XPR1: variants seen among roughly 807,000 people sequenced by gnomAD.
XPR1 encodes the protein solute carrier family 53 member 1.
In XPR1, 28 loss-of-function variants were observed where a neutral mutation model predicts 87.5. That is an observed-to-expected ratio of 0.32 (90% CI 0.24 to 0.44). XPR1 has a LOEUF of 0.44. XPR1 is among the 20% of genes least tolerant of loss of function. The pLI, the probability that XPR1 is intolerant of heterozygous loss-of-function variation, is 1.00. For synonymous variants in XPR1, 300 were observed against 306.1 expected, an observed-to-expected ratio of 0.98 and a Z score of 0.21; for missense variants, 559 against 862.3, an observed-to-expected ratio of 0.65 and a Z score of 4.41.
intron 2 of XPR1, among the ~76,000 whole-genome samples, chr1:180,779,977 A>G (rs932223151): frequency 2.0e-5 from 3 of 152,144 alleles, no homozygotes; most frequent in South Asian, 4.1e-4. Flanking sequence ...TTCAGAGTTC[A>G]TCCATGTTGT....
intron 2 of XPR1, among the ~76,000 whole-genome samples, chr1:180,726,459 A>G (rs1658350992): frequency 6.6e-6 from 1 of 152,224 alleles, no homozygotes; most frequent in Non-Finnish European, 1.5e-5. Flanking sequence ...TCTTGGAGTC[A>G]GCAAGACCAA....
chr1:180,785,187 T>G (rs1177589450), intron 2 of XPR1, among the ~76,000 whole-genome samples: 2 of 151,992 alleles, frequency 1.3e-5, no homozygotes, highest in Admixed American at 6.6e-5. Flanking sequence ...TCTTGCTCTG[T>G]CACCCAGGCT....
chr1:180,773,255 G>A (rs1339336053), intron 2 of XPR1, among the ~76,000 whole-genome samples: 1 of 152,146 alleles, frequency 6.6e-6, no homozygotes, highest in East Asian at 1.9e-4. Context: ...GAAAAAAAAT[G>A]TTCAGACGGG....
chr1:180,725,132 T>G (rs10914081), intron 2 of XPR1, among the ~76,000 whole-genome samples: 6,553 of 152,264 alleles, frequency 0.043, 507 homozygotes, highest in African/African-American at 0.15. Flanking sequence ...TACTGAGGCT[T>G]CCCTTTCTCA....
chr1:180,671,782 G>A (rs536267414), intron 1 of XPR1, among the ~76,000 whole-genome samples: 1 of 152,166 alleles, frequency 6.6e-6, no homozygotes, highest in African/African-American at 2.4e-5. Flanking sequence ...CAAAGTGCTG[G>A]GATTACAGGT....
At chr1:180,750,403 G>A (rs1378526587) in intron 2 of XPR1, among the ~76,000 whole-genome samples, 1 of 152,106 alleles carries the variant, frequency 6.6e-6, no homozygotes, top group Non-Finnish European at 1.5e-5. Flanking sequence ...GGAAAAGTAA[G>A]CCTTTACACG....
intron 11 of XPR1, among the ~76,000 whole-genome samples, chr1:180,849,455 G>A (rs1296964678): frequency 6.6e-6 from 1 of 152,076 alleles, no homozygotes; most frequent in African/African-American, 2.4e-5. Context: ...ATTATCTTGG[G>A]TTTTACCTTC....
intron 2 of XPR1, among the ~76,000 whole-genome samples, chr1:180,773,346 A>G (rs937713909): frequency 4.6e-5 from 7 of 152,212 alleles, no homozygotes; most frequent in African/African-American, 1.4e-4. Flanking sequence ...CAGGATAGCT[A>G]TATAGGTTGA....
chr1:180,807,726 C>T (rs1650052177), intron 6 of XPR1, among the ~76,000 whole-genome samples: 1 of 152,110 alleles, frequency 6.6e-6, no homozygotes, highest in Admixed American at 6.6e-5. Flanking sequence ...ATATGGAGGC[C>T]AGGCACGATG....
chr1:180,829,003 C>T (rs1284104950), intron 9 of XPR1, among the ~76,000 whole-genome samples: 1 of 151,944 alleles, frequency 6.6e-6, no homozygotes, highest in Admixed American at 6.6e-5. Flanking sequence ...TCGAGACCAG[C>T]CTGGGCAACG....
rs750551646 is a variant in XPR1 at position 180,803,619 on chromosome 1, G to T, written c.447+8G>T. ...CTGCTGCAGAACTATCAGGTACTTAGATTCTTACCCTAGAAAATGGCACCT... is the reference window on the plus strand; with the variant it reads ...CTGCTGCAGAACTATCAGGTACTTATATTCTTACCCTAGAAAATGGCACCT... On this transcript the variant is annotated splice_region_variant and intron_variant, in intron 4 of 14. Transcript: ENST00000367590. The T allele has an allele frequency of 6.2e-7, 1 of 1,603,608 alleles. No individual in the cohort carries two copies. Among genetic ancestry groups the T allele is most frequent in the Admixed American group, 1.7e-5 (1 of 59,308 alleles).
intron 11 of XPR1, among the ~76,000 whole-genome samples, chr1:180,853,620 A>G (rs1651937469): frequency 8.7e-6 from 1 of 114,856 alleles, no homozygotes; most frequent in South Asian, 3.0e-4. Context: ...TTGTTATTAG[A>G]CTATAGACAC....
chr1:180,762,704 T>G (rs1316399566), intron 2 of XPR1, among the ~76,000 whole-genome samples: 1 of 152,200 alleles, frequency 6.6e-6, no homozygotes, highest in African/African-American at 2.4e-5. Context: ...AGAACAAGTC[T>G]ATAATGCTAA....
intron 3 of XPR1, among the ~76,000 whole-genome samples, chr1:180,788,721 T>A (rs1388322045): frequency 6.6e-6 from 1 of 152,240 alleles, no homozygotes; most frequent in Non-Finnish European, 1.5e-5. Flanking sequence ...CTCTATTTTT[T>A]ATTTTCATAT....
rs148795006 is a variant in XPR1, at chr1:180,680,553, C to T, written c.70-1807C>T. Among the ~76,000 whole-genome samples the T allele has an allele frequency of 2.6e-5, 4 of 151,908 alleles. No homozygotes were observed. The South Asian group carries it at 6.2e-4, about 24-fold the overall frequency. On this transcript the variant is annotated intron_variant, in intron 1 of 14. Coordinates refer to ENST00000367590, the MANE Select transcript of XPR1 (RefSeq NM_004736.4). Reference sequence around the variant, plus strand: ...CTAATTTTTGTATTTTTAGTAGAGACGGGGTTTCACCATGTTGGCCAGGAT... The same window carrying T: ...CTAATTTTTGTATTTTTAGTAGAGATGGGGTTTCACCATGTTGGCCAGGAT...
At chr1:180,802,614 C>A (rs1649829834) in intron 3 of XPR1, among the ~76,000 whole-genome samples, 1 of 152,202 alleles carries the variant, frequency 6.6e-6, no homozygotes, top group African/African-American at 2.4e-5. Flanking sequence ...GTACAACCAT[C>A]ACTACCAATT....
chr1:180,803,056 G>A (rs915786719), intron 3 of XPR1, among the ~76,000 whole-genome samples: 1 of 152,194 alleles, frequency 6.6e-6, no homozygotes, highest in African/African-American at 2.4e-5. Context: ...GCCTAGGAAT[G>A]GAATTGCTGA....
intron 2 of XPR1, among the ~76,000 whole-genome samples, chr1:180,713,968 T>C (rs1571756752): frequency 6.6e-6 from 1 of 152,136 alleles, no homozygotes; most frequent in Admixed American, 6.5e-5. Flanking sequence ...TTTAACTGTT[T>C]GGTAGAATCC....
intron 11 of XPR1, among the ~76,000 whole-genome samples, chr1:180,846,992 T>A (rs6688797): frequency 0.017 from 2,555 of 152,286 alleles, 78 homozygotes; most frequent in African/African-American, 0.056. Flanking sequence ...TAAATACTTT[T>A]TAGTTGCTTC....
Sources: allele counts gnomAD v4.1 joint callset (sites outside exome capture counted in the v4.1 genomes callset), GRCh38; gene constraint gnomAD v4.1.1; transcripts MANE v1.5; gene names NCBI Gene and HGNC (gene_info 2026-07-23, HGNC 2026-07-21).